IRGM: variants seen among roughly 807,000 people sequenced by gnomAD.
The protein encoded by IRGM is immunity related GTPase M.
For missense variants in IRGM, 288 were observed against 219.9 expected, an observed-to-expected ratio of 1.31 and a Z score of -1.96; for synonymous variants, 98 against 80.6, an observed-to-expected ratio of 1.22 and a Z score of -1.16.
rs547779439 is a variant in IRGM at position 150,858,515 on chromosome 5, G to T, written c.158+9861G>T. Among the ~76,000 whole-genome samples, 24 of 152,272 alleles carry T rather than the reference G, an allele frequency of 1.6e-4. No individual in the cohort carries two copies. The South Asian group carries it at 3.9e-3, about 25-fold the overall frequency. On this transcript the variant is annotated intron_variant and NMD_transcript_variant, in intron 1 of 3. Coordinates refer to the IRGM transcript ENST00000520549. ...GCATTGAATCTATCAATTACCTTGG[G>T]CAGTATGGCCATTTTCACGATATTG...
chr5:150,888,329 A>G (rs140258087), intron 3 of IRGM, among the ~76,000 whole-genome samples: 1 of 152,166 alleles, frequency 6.6e-6, no homozygotes, highest in East Asian at 1.9e-4. Context: ...ACCTACAAAG[A>G]GACACAGACT....
chr5:150,896,808 A>T (rs1754803780), intron 3 of IRGM: 3 of 1,613,714 alleles, frequency 1.9e-6, no homozygotes, highest in Non-Finnish European at 2.5e-6. Context: ...CTGCCTGAAG[A>T]GTTTGTCTTG....
intron 3 of IRGM, chr5:150,895,795 T>A (rs568526962): frequency 6.2e-7 from 1 of 1,613,640 alleles, no homozygotes; most frequent in Non-Finnish European, 8.5e-7. Flanking sequence ...CTCTGATGTA[T>A]GATGAGCTGT....
At chr5:150,864,527 A>G (rs1336026147) in intron 1 of IRGM, among the ~76,000 whole-genome samples, 1 of 152,110 alleles carries the variant, frequency 6.6e-6, no homozygotes, top group Non-Finnish European at 1.5e-5. Flanking sequence ...TCTCTTTACA[A>G]TTCAATCCTC....
chr5:150,896,894 G>A (rs376252874), intron 3 of IRGM: 208 of 1,613,490 alleles, frequency 1.3e-4, no homozygotes, highest in Non-Finnish European at 1.7e-4. Flanking sequence ...CATCCCTTGT[G>A]ACTCCTTTCA....
At chr5:150,863,296 T>A (rs186092892) in intron 1 of IRGM, among the ~76,000 whole-genome samples, 35 of 152,292 alleles carry the variant, frequency 2.3e-4, no homozygotes, top group Non-Finnish European at 4.0e-4. Flanking sequence ...AGCTTGCTTC[T>A]GAAGAAGAGT....
chr5:150,895,813 G>C, intron 3 of IRGM: 1 of 1,613,562 alleles, frequency 6.2e-7, no homozygotes, highest in East Asian at 2.2e-5. Context: ...TGTGACTTGC[G>C]GGAGAATGTC....
At chr5:150,865,596 T>C (rs760957495) in intron 1 of IRGM, among the ~76,000 whole-genome samples, 8 of 152,284 alleles carry the variant, frequency 5.3e-5, no homozygotes, top group Admixed American at 3.3e-4. Context: ...ATAGACTTCA[T>C]TGGGGAAAAC....
chr5:150,863,810 A>G (rs1486647402), intron 1 of IRGM, among the ~76,000 whole-genome samples: 1 of 152,132 alleles, frequency 6.6e-6, no homozygotes, highest in Non-Finnish European at 1.5e-5. Context: ...ACCTTTTATC[A>G]TTTTCTAAAT....
chr5:150,868,212 C>A (rs1754234013), intron 1 of IRGM, among the ~76,000 whole-genome samples: 1 of 152,102 alleles, frequency 6.6e-6, no homozygotes. Context: ...ATCCCAGCAT[C>A]ATTTGTTGAA....
intron 1 of IRGM, among the ~76,000 whole-genome samples, chr5:150,868,132 T>C (rs924973237): frequency 1.1e-4 from 16 of 152,220 alleles, no homozygotes; most frequent in Admixed American, 6.5e-4. Flanking sequence ...TTGATCCATC[T>C]TGAGTTGATT....
intron 3 of IRGM, chr5:150,897,154 T>TAAAC (rs1050761874): frequency 2.2e-6 from 1 of 457,298 alleles, no homozygotes; most frequent in Admixed American, 3.9e-5. Flanking sequence ...ACAAGAATGT[T>TAAAC]AAACAGAAAT....
In IRGM at chr5:150,847,945, A is replaced by G. The variant is rs1169763683; in HGVS notation, c.-179A>G. On this transcript the variant is annotated 5_prime_UTR_variant, in exon 2 of 2. Coordinates refer to ENST00000522154, the MANE Select transcript of IRGM (RefSeq NM_001145805.2). ...AGCCTCCTGTATTAGCTGGGACTAC[A>G]GGCGCACACCACCACGCGCAGCTAA... 1 of 575,342 alleles carries G rather than the reference A, an allele frequency of 1.7e-6. No homozygotes were observed. The highest frequency in any genetic ancestry group is 3.1e-6 in the Non-Finnish European group (1 of 324,252). The allele number at this position is 575,342 out of a possible 1,614,324, so 35.6% of individuals were successfully genotyped here. A position where few individuals can be genotyped will look rare whatever the true frequency, so the allele number is the denominator to read the frequency against.
chr5:150,865,556 G>A (rs1754195972), intron 1 of IRGM, among the ~76,000 whole-genome samples: 1 of 152,148 alleles, frequency 6.6e-6, no homozygotes, highest in South Asian at 2.1e-4. Flanking sequence ...TCAAAAGAAA[G>A]ATGTTATTGC....
chr5:150,869,132 G>C (rs1353559811), intron 1 of IRGM, among the ~76,000 whole-genome samples: 6 of 152,060 alleles, frequency 3.9e-5, no homozygotes, highest in East Asian at 1.9e-4. Context: ...CTCATAGATG[G>C]CTTTTATTAC....
chr5:150,854,905 A>C (rs1192144430), intron 1 of IRGM, among the ~76,000 whole-genome samples: 3 of 152,158 alleles, frequency 2.0e-5, no homozygotes, highest in Admixed American at 6.5e-5. Context: ...TCTTTCTCAA[A>C]GTCCCATAAT....
chr5:150,870,516 T>A (rs1168373963), intron 1 of IRGM, among the ~76,000 whole-genome samples: 3 of 151,904 alleles, frequency 2.0e-5, no homozygotes, highest in Non-Finnish European at 4.4e-5. Flanking sequence ...CTCCTTTTTT[T>A]TTTTTTTTTT....
rs921714513 is a variant in IRGM, at chr5:150,866,033, A to G, written c.159-11947A>G. Among the ~76,000 whole-genome samples, 3 of 152,320 alleles carry G rather than the reference A, an allele frequency of 2.0e-5. No individual in the cohort carries two copies. The South Asian group carries it at 6.2e-4, about 32-fold the overall frequency. Reference sequence around the variant, plus strand: ...TGGCCTCCCAAAGTGCTAGGATTAGAGGCGTTTGCCACTGCGCTCAGCCAA... The same window carrying G: ...TGGCCTCCCAAAGTGCTAGGATTAGGGGCGTTTGCCACTGCGCTCAGCCAA... On this transcript the variant is annotated intron_variant and NMD_transcript_variant, in intron 1 of 3. Coordinates refer to the IRGM transcript ENST00000520549.
chr5:150,850,662 T>A (rs905644641), downstream of IRGM, among the ~76,000 whole-genome samples: 1 of 152,200 alleles, frequency 6.6e-6, no homozygotes, highest in Non-Finnish European at 1.5e-5. Flanking sequence ...CATGGTATCT[T>A]CCTGCCTCAG....
Sources: gnomAD v4.1 joint callset for allele counts (sites outside exome capture counted in the v4.1 genomes callset) on GRCh38, gnomAD v4.1.1 for gene constraint, MANE v1.5 for transcripts, NCBI Gene and HGNC (gene_info 2026-07-23, HGNC 2026-07-21) for gene names.